Variants in IGSF5 observed in about 807,000 individuals in gnomAD.
IGSF5 encodes the protein immunoglobulin superfamily member 5.
A neutral mutation model predicts 39.4 loss-of-function variants in IGSF5; 41 were observed. The observed-to-expected ratio is 1.04, with a 90% CI of 0.81 to 1.35. IGSF5 has a LOEUF of 1.35. IGSF5 is among the 40% of genes most tolerant of loss of function. IGSF5 has a pLI of 0.00. For synonymous variants in IGSF5, 183 were observed against 175.3 expected, an observed-to-expected ratio of 1.04 and a Z score of -0.34; for missense variants, 487 against 494.6, an observed-to-expected ratio of 0.98 and a Z score of 0.15.
intron 2 of IGSF5, among the ~76,000 whole-genome samples, chr21:39,760,865 T>A (rs2080058517): frequency 6.6e-6 from 1 of 152,118 alleles, no homozygotes; most frequent in Admixed American, 6.6e-5. Flanking sequence ...CCACCTTACC[T>A]GGCTGTCAAG....
chr21:39,754,779 T>C (rs1315207524), intron 2 of IGSF5, among the ~76,000 whole-genome samples: 1 of 152,214 alleles, frequency 6.6e-6, no homozygotes, highest in Non-Finnish European at 1.5e-5. Context: ...TCATGAACAA[T>C]ACCCGGCATA....
At chr21:39,749,606 G>C (rs956619258) in intron 2 of IGSF5, among the ~76,000 whole-genome samples, 3 of 152,206 alleles carry the variant, frequency 2.0e-5, no homozygotes, top group Non-Finnish European at 2.9e-5. Flanking sequence ...GCCCAAAGTG[G>C]TCAGGGCACA....
At chr21:39,782,552 A>G (rs550713405) in intron 5 of IGSF5, among the ~76,000 whole-genome samples, 5 of 152,230 alleles carry the variant, frequency 3.3e-5, no homozygotes, top group Admixed American at 2.0e-4. Flanking sequence ...CCACGATTCT[A>G]CTTTCTATCA....
At chr21:39,733,501 C>A in the IGSF5 span, among the ~76,000 whole-genome samples, 3 of 152,152 alleles carry the variant, frequency 2.0e-5, no homozygotes, top group Admixed American at 2.0e-4. Flanking sequence ...ATCCATAAAA[C>A]ATAATATTGT....
the IGSF5 span, among the ~76,000 whole-genome samples, chr21:39,724,877 G>A: frequency 1.3e-5 from 2 of 152,202 alleles, no homozygotes; most frequent in Non-Finnish European, 2.9e-5. Context: ...CAACTTCTTT[G>A]TGCAGGAGAG....
At chr21:39,735,717 A>G in the IGSF5 span, among the ~76,000 whole-genome samples, 247 of 152,356 alleles carry the variant, frequency 1.6e-3, no homozygotes, top group African/African-American at 5.5e-3. Context: ...ACGCATATAT[A>G]TGCCATCATG....
intron 3 of IGSF5, among the ~76,000 whole-genome samples, chr21:39,769,246 C>T (rs570182011): frequency 3.3e-5 from 5 of 152,200 alleles, no homozygotes; most frequent in African/African-American, 7.2e-5. Context: ...GAGGCCCAGG[C>T]GGGCAGCTCA....
Position 39,760,976 on chromosome 21 carries a change from G to A in IGSF5, c.101-4559G>A, listed in dbSNP as rs564244036. Among the ~76,000 whole-genome samples the A allele has an allele frequency of 6.6e-5, 10 of 152,236 alleles. No individual in the cohort carries two copies. In the East Asian group the frequency reaches 1.7e-3, roughly 26 times the overall value. Reference sequence around the variant, plus strand: ...AATCCTTAGCAAAAAGAGCAAAGCTGGAAGCATCACATTACCCAACTTCAG... The same window carrying A: ...AATCCTTAGCAAAAAGAGCAAAGCTAGAAGCATCACATTACCCAACTTCAG... On this transcript the variant is annotated intron_variant, in intron 2 of 8. Transcript: ENST00000380588.
intron 2 of IGSF5, among the ~76,000 whole-genome samples, chr21:39,749,156 G>T (rs1296621876): frequency 4.6e-5 from 7 of 152,030 alleles, no homozygotes; most frequent in Non-Finnish European, 2.9e-5. Context: ...GAGGAGAAGG[G>T]GGGAGAAAGG....
chr21:39,780,347 T>C (rs1213142115), intron 5 of IGSF5, among the ~76,000 whole-genome samples: 2 of 152,176 alleles, frequency 1.3e-5, no homozygotes, highest in Non-Finnish European at 2.9e-5. Flanking sequence ...TGCAACCCCT[T>C]AGGAAGACCA....
At chr21:39,725,888 T>C in the IGSF5 span, 1 of 152,164 alleles carries the variant, frequency 6.6e-6, no homozygotes, top group African/African-American at 2.4e-5. Flanking sequence ...GGGTGACTGA[T>C]GGAAGTTTCA....
intron 2 of IGSF5, among the ~76,000 whole-genome samples, chr21:39,755,976 A>G (rs2080028056): frequency 6.7e-6 from 1 of 148,582 alleles, no homozygotes; most frequent in Non-Finnish European, 1.5e-5. Flanking sequence ...GCGTACTTCC[A>G]GCTACTTGGG....
chr21:39,779,435 T>C, intron 5 of IGSF5, 130 bp downstream of exon 5: 1 of 1,195,836 alleles, frequency 8.4e-7, no homozygotes, highest in Non-Finnish European at 1.2e-6. Flanking sequence ...TATTAGAAAC[T>C]GTGGTTGCAC....
At chr21:39,746,576 ATTC>A (rs2146268452) in intron 2 of IGSF5, among the ~76,000 whole-genome samples, 1 of 152,320 alleles carries the variant, frequency 6.6e-6, no homozygotes, top group African/African-American at 2.4e-5. Flanking sequence ...AGGAATAATT[ATTC>A]TTACTAAAAC....
At chr21:39,712,349 A>C in the IGSF5 span, among the ~76,000 whole-genome samples, 17,643 of 152,152 alleles carry the variant, frequency 0.12, 1,444 homozygotes, top group East Asian at 0.23. Context: ...TCCAAAGGCA[A>C]GTCGTGCAGG....
intron 2 of IGSF5, among the ~76,000 whole-genome samples, chr21:39,746,708 G>T (rs919280821): frequency 2.6e-5 from 4 of 152,124 alleles, no homozygotes; most frequent in Non-Finnish European, 5.9e-5. Flanking sequence ...GACTCCTGAT[G>T]CTTGCGTGCT....
upstream of IGSF5, among the ~76,000 whole-genome samples, chr21:39,741,685 A>G (rs1422333401): frequency 1.3e-5 from 2 of 152,258 alleles, no homozygotes; most frequent in East Asian, 3.9e-4. Context: ...AAAACAGTCC[A>G]GGTGAGTTGA....
intron 2 of IGSF5, among the ~76,000 whole-genome samples, chr21:39,755,792 C>G (rs577865619): frequency 6.6e-6 from 1 of 152,028 alleles, no homozygotes; most frequent in South Asian, 2.1e-4. Flanking sequence ...TGCTGCAGCA[C>G]AGGTATTTCA....
intron 8 of IGSF5, among the ~76,000 whole-genome samples, chr21:39,797,295 C>T (rs890824909): frequency 1.8e-4 from 27 of 150,378 alleles, no homozygotes; most frequent in African/African-American, 5.6e-4. Flanking sequence ...CTTGGCTCAC[C>T]GCAACCTCTG....
Sources: allele counts gnomAD v4.1 joint callset (sites outside exome capture counted in the v4.1 genomes callset), GRCh38; gene constraint gnomAD v4.1.1; transcripts MANE v1.5; gene names NCBI Gene and HGNC (gene_info 2026-07-23, HGNC 2026-07-21).